MYT1L: variants seen among roughly 807,000 people sequenced by gnomAD.
MYT1L encodes the protein myelin transcription factor 1 like.
Under a neutral mutation model 126.7 loss-of-function variants are expected in MYT1L, and 12 were observed. The ratio of observed to expected loss-of-function variants is 0.09; its 90% CI spans 0.06 to 0.15. The LOEUF is 0.15. Among genes scored for constraint, MYT1L ranks in the 10% least tolerant of loss-of-function variants. The pLI, the probability that MYT1L is intolerant of heterozygous loss-of-function variation, is 1.00. For synonymous variants in MYT1L, 541 were observed against 604.2 expected, an observed-to-expected ratio of 0.90 and a Z score of 1.53; for missense variants, 979 against 1,585.2, an observed-to-expected ratio of 0.62 and a Z score of 6.49.
rs759537467 is a variant in MYT1L at position 1,979,753 on chromosome 2, G to A, written c.25C>T (p.Arg9Trp). 4.3e-6 allele frequency: 7 copies of A among 1,613,950 alleles called. No individual in the cohort carries two copies. Among genetic ancestry groups the A allele is most frequent in the Non-Finnish European group, 5.9e-6 (7 of 1,179,890 alleles). The change falls in exon 6 of 25, where the codon CGG (arginine) becomes TGG (tryptophan). Residue 9 changes from arginine (R) to tryptophan (W), a missense_variant. Physicochemically the swap from Arg to Trp is moderately radical, Grantham distance 101. This residue lies in a region of MYT1L where 50 missense variants were observed against 48.6 expected (regional missense o/e 1.03). Coordinates refer to ENST00000647738, the MANE Select transcript of MYT1L (RefSeq NM_001303052.2). This position sits in a 1 kb window ranked among gnomAD's most constrained non-coding sequence, Gnocchi z 4.0. The stretch of plus-strand genomic sequence containing the variant: ...ACCCCTTTGGACCGCGTGCGATGCC[G>A]CTTCTCCTCGGTGTCCACCTCCATC... MEVDTEEK[R>W]HRTRSKGVRV... is the part of the protein sequence containing the mutation.
At chr2:2,072,980 T>A (rs1331921105) in intron 3 of MYT1L, among the ~76,000 whole-genome samples, 2 of 152,130 alleles carry the variant, frequency 1.3e-5, no homozygotes, top group Admixed American at 6.6e-5. Flanking sequence ...AGGTTTGGTA[T>A]CTGCTGAGGG....
Position 2,177,440 on chromosome 2 carries a change from G to A in MYT1L, c.-420-4452C>T, listed in dbSNP as rs541213192. ...TAAGATGTGTAGCAAAGTGACTAGAGGATGGTACAGGGAAGCATACACAGT... is the reference window on the plus strand; with the variant it reads ...TAAGATGTGTAGCAAAGTGACTAGAAGATGGTACAGGGAAGCATACACAGT... On this transcript the variant is annotated intron_variant, in intron 2 of 24. Coordinates refer to ENST00000647738, the MANE Select transcript of MYT1L (RefSeq NM_001303052.2). 1.1e-4 allele frequency among the ~76,000 whole-genome samples: 17 copies of A among 152,298 alleles called. No individual in the cohort carries two copies. The South Asian group carries it at 1.7e-3, about 15-fold the overall frequency.
chr2:1,820,987 G>C (rs1251851995), intron 21 of MYT1L, among the ~76,000 whole-genome samples: 1 of 152,186 alleles, frequency 6.6e-6, no homozygotes, highest in Non-Finnish European at 1.5e-5. Context: ...TCCTGAACAA[G>C]AGTTTCTAGG....
intron 2 of MYT1L, among the ~76,000 whole-genome samples, chr2:2,214,927 C>T (rs1559359109): frequency 1.3e-5 from 2 of 151,930 alleles, no homozygotes; most frequent in African/African-American, 4.8e-5. Context: ...GATAATAGCA[C>T]AAATGCTAAG....
intron 21 of MYT1L, among the ~76,000 whole-genome samples, chr2:1,820,136 G>A (rs541297997): frequency 6.6e-6 from 1 of 152,306 alleles, no homozygotes; most frequent in South Asian, 2.1e-4. Context: ...CTCAAGAGGA[G>A]TAAGAAGGGC....
intron 4 of MYT1L, among the ~76,000 whole-genome samples, chr2:2,000,227 C>T (rs1390338277): frequency 6.6e-6 from 1 of 151,698 alleles, no homozygotes; most frequent in Non-Finnish European, 1.5e-5. Flanking sequence ...GGCAGGGGTT[C>T]GAGTCCGTCC....
intron 9 of MYT1L, among the ~76,000 whole-genome samples, chr2:1,942,338 A>G (rs2056749427): frequency 1.3e-5 from 2 of 152,204 alleles, no homozygotes; most frequent in Admixed American, 6.5e-5. Context: ...CATTCCCAAC[A>G]CACAGCATGG....
chr2:2,239,432 T>G (rs991623958), intron 2 of MYT1L, among the ~76,000 whole-genome samples: 24 of 152,216 alleles, frequency 1.6e-4, no homozygotes, highest in Admixed American at 2.6e-4. Context: ...CAATTTCACA[T>G]GCAGGAAAAT....
rs567432313 is a variant in MYT1L, at chr2:1,922,230, T to C, written c.1483+56A>G. The C allele has an allele frequency of 2.5e-6, 4 of 1,578,512 alleles. No individual in the cohort carries two copies. The highest frequency in any genetic ancestry group is 2.4e-5 in the South Asian group (2 of 84,224). ...CTTTAACTGTAGACTACCACCAACA[T>C]CCTTTACCCTAGCTCATGTTTTCAT... is the stretch of plus-strand genomic sequence containing the variant. On this transcript the variant is annotated intron_variant, in intron 10 of 24. Coordinates refer to ENST00000647738, the MANE Select transcript of MYT1L (RefSeq NM_001303052.2). This position sits in a 1 kb window ranked among gnomAD's most constrained non-coding sequence, Gnocchi z 7.4.
At chr2:2,253,341 G>C (rs2094709288) in intron 2 of MYT1L, among the ~76,000 whole-genome samples, 1 of 152,184 alleles carries the variant, frequency 6.6e-6, no homozygotes, top group East Asian at 1.9e-4. Flanking sequence ...GAGAGCGTTA[G>C]GCGCTTTCTC....
intron 18 of MYT1L, among the ~76,000 whole-genome samples, chr2:1,858,888 C>T (rs956849627): frequency 2.0e-5 from 3 of 152,230 alleles, no homozygotes; most frequent in Admixed American, 6.5e-5. Flanking sequence ...CTGCTGCCTC[C>T]CCCATAGGCA....
chr2:2,310,803 C>T (rs987680506), intron 1 of MYT1L, among the ~76,000 whole-genome samples: 3 of 152,218 alleles, frequency 2.0e-5, no homozygotes, highest in African/African-American at 7.2e-5. Context: ...GACCCACGGG[C>T]GGTTGTGACT....
intron 3 of MYT1L, among the ~76,000 whole-genome samples, chr2:2,116,011 T>C (rs2080169665): frequency 6.7e-6 from 1 of 149,456 alleles, no homozygotes; most frequent in Non-Finnish European, 1.5e-5. Flanking sequence ...TTGAGGAAGC[T>C]GAGGCTGAGA....
intron 23 of MYT1L, among the ~76,000 whole-genome samples, chr2:1,794,102 G>A (rs949106366): frequency 1.4e-5 from 2 of 146,316 alleles, no homozygotes; most frequent in African/African-American, 2.4e-5. Context: ...AAAGGTACAC[G>A]CAGGGGGAAG....
chr2:2,225,312 G>A (rs961005759), intron 2 of MYT1L, among the ~76,000 whole-genome samples: 9 of 152,066 alleles, frequency 5.9e-5, no homozygotes, highest in South Asian at 2.1e-4. Flanking sequence ...TTGGCCTCCC[G>A]CTGTCCCCTT....
intron 2 of MYT1L, among the ~76,000 whole-genome samples, chr2:2,217,809 G>A (rs1029650789): frequency 6.6e-6 from 1 of 151,504 alleles, no homozygotes; most frequent in African/African-American, 2.4e-5. Flanking sequence ...ATCCATTTCT[G>A]ATTTGTAAAT....
At chr2:2,186,477 G>A (rs994902417) in intron 2 of MYT1L, among the ~76,000 whole-genome samples, 2 of 152,222 alleles carry the variant, frequency 1.3e-5, no homozygotes, top group African/African-American at 2.4e-5. Context: ...AGATAATAGG[G>A]AGAATCTCAT....
intron 4 of MYT1L, among the ~76,000 whole-genome samples, chr2:2,013,804 C>T (rs2064080177): frequency 6.6e-6 from 1 of 152,244 alleles, no homozygotes; most frequent in Admixed American, 6.5e-5. Flanking sequence ...ACACAAAGCA[C>T]CCATGTGGGT....
intron 21 of MYT1L, among the ~76,000 whole-genome samples, chr2:1,821,931 C>T (rs887325435): frequency 4.6e-5 from 7 of 152,180 alleles, no homozygotes; most frequent in South Asian, 4.1e-4. Context: ...ATCCTTCTGC[C>T]GGGGAGAAGG....
Sources: allele counts gnomAD v4.1 joint callset (sites outside exome capture counted in the v4.1 genomes callset), GRCh38; gene constraint gnomAD v4.1.1; regional missense constraint gnomAD v4.1.1; non-coding constraint Gnocchi (gnomAD v3.1); transcripts MANE v1.5; gene names NCBI Gene and HGNC (gene_info 2026-07-23, HGNC 2026-07-21).